Variants in RICTOR observed in about 807,000 individuals in gnomAD.
RICTOR encodes RPTOR independent companion of MTOR complex 2.
In RICTOR, 49 loss-of-function variants were observed where a neutral mutation model predicts 214.9. The observed-to-expected ratio is 0.23, with a 90% CI of 0.18 to 0.29. The LOEUF (loss-of-function observed/expected upper bound fraction) is 0.29. RICTOR is among the 10% of genes least tolerant of loss of function. The pLI is 1.00. For missense variants in RICTOR, 1,625 were observed against 2,047.0 expected (o/e 0.79, Z 3.98); for synonymous variants, 717 against 711.3 (o/e 1.01, Z -0.13).
chr5:39,010,613 C>T (rs765628917), intron 3 of RICTOR, among the ~76,000 whole-genome samples: 1 of 152,152 alleles, frequency 6.6e-6, no homozygotes, highest in Non-Finnish European at 1.5e-5. Context: ...GAAGTCCAGG[C>T]TAAGATGGTC....
chr5:39,039,519 G>A (rs982438021), intron 2 of RICTOR, among the ~76,000 whole-genome samples: 4 of 152,140 alleles, frequency 2.6e-5, no homozygotes, highest in African/African-American at 9.7e-5. Flanking sequence ...TACCATCAGA[G>A]TGAACAGGTA....
chr5:38,968,227 C>T (rs1054701076), intron 11 of RICTOR, among the ~76,000 whole-genome samples, 197 bp from the exon 12 acceptor site: 1 of 152,026 alleles, frequency 6.6e-6, no homozygotes, highest in African/African-American at 2.4e-5. Flanking sequence ...TGAAAAATTC[C>T]TATCGCCTAG....
At position 39,014,823 on chromosome 5, in the gene RICTOR, G is replaced by C. The variant is rs1028058397; in HGVS notation, c.195+6216C>G. Among the ~76,000 whole-genome samples the C allele has an allele frequency of 2.6e-5, 4 of 152,260 alleles. No individual in the cohort carries two copies. In the South Asian group the frequency reaches 8.3e-4, roughly 32 times the overall value. ...CCGTTTCTTTATACCTTAAAAGGAA[G>C]TTTAGTTTTGAAGCTGAAGTTCACC... On this transcript the variant is annotated intron_variant, in intron 3 of 37. Transcript: ENST00000357387.
intron 11 of RICTOR, 128 bp from the exon 12 acceptor site, chr5:38,968,158 T>G: frequency 1.6e-6 from 1 of 626,482 alleles, no homozygotes; most frequent in South Asian, 1.9e-5. Context: ...CACATAACAA[T>G]ATTTTAGTCA....
intron 5 of RICTOR, among the ~76,000 whole-genome samples, chr5:39,001,150 T>C (rs2150102274): frequency 6.6e-6 from 1 of 152,162 alleles, no homozygotes; most frequent in Admixed American, 6.5e-5. Context: ...AAAATAGTCT[T>C]GAAGAAGCAA....
chr5:38,947,820 T>G (rs1748368373), intron 31 of RICTOR, among the ~76,000 whole-genome samples: 1 of 152,140 alleles, frequency 6.6e-6, no homozygotes. Flanking sequence ...TTTATGTAAC[T>G]AAGGATATGT....
At chr5:38,991,709 T>C (rs936774005) in intron 6 of RICTOR, among the ~76,000 whole-genome samples, 1 of 152,156 alleles carries the variant, frequency 6.6e-6, no homozygotes, top group Admixed American at 6.6e-5. Flanking sequence ...TGGAAATATA[T>C]TGTAATAAAA....
At chr5:38,948,070 T>C (rs1748393487) in intron 31 of RICTOR, among the ~76,000 whole-genome samples, 1 of 152,084 alleles carries the variant, frequency 6.6e-6, no homozygotes, top group Non-Finnish European at 1.5e-5. Flanking sequence ...ATAACAAATA[T>C]GATACACTGA....
At position 38,949,972 on chromosome 5, in the gene RICTOR, A is replaced by G; in HGVS notation, c.3876T>C (p.Ser1292=). Residue 1292 remains serine (S), a synonymous_variant, in exon 31 of 38, where the codon TCT becomes TCC. Transcript: ENST00000357387. ...SNSVSLVPPG[S]SHTLPRRAQS... The stretch of plus-strand genomic sequence containing the variant: ...GTGCTCTTCTAGGAAGCGTATGAGA[A>G]GAACCTGGAGGCACCAGGGACACCG... The G allele has an allele frequency of 6.2e-7, 1 of 1,613,614 alleles. No homozygotes were observed. Among genetic ancestry groups the G allele is most frequent in the South Asian group, 1.1e-5 (1 of 91,080 alleles).
At chr5:38,948,639 G>T (rs1748434887) in intron 31 of RICTOR, among the ~76,000 whole-genome samples, 1 of 152,032 alleles carries the variant, frequency 6.6e-6, no homozygotes, top group Non-Finnish European at 1.5e-5. Flanking sequence ...TGAGGCTTAG[G>T]AATGTTCAAA....
intron 29 of RICTOR, 49 bp downstream of exon 29, chr5:38,952,936 G>C: frequency 9.0e-7 from 1 of 1,108,740 alleles, no homozygotes; most frequent in Non-Finnish European, 1.4e-6. Flanking sequence ...ACATCCATTT[G>C]TGAATAACAA....
Position 38,947,415 on chromosome 5 carries a change from G to A in RICTOR, c.4163C>T (p.Ser1388Leu), listed in dbSNP as rs867999181. ...ACTCAATAAATCTTCTTTATCTAAT[G>A]ATGCATAACTTAAGGCTTTCATGAA... ...SRFMKALSYA[S>L]LDKEDLLSPI... The change falls in exon 32 of 38, where the codon TCA becomes TTA. Residue 1388 changes from serine to leucine, a missense_variant. Ser to Leu is a moderately radical substitution (Grantham distance 145). Transcript: ENST00000357387. 1 of 1,610,710 alleles carries A rather than the reference G, an allele frequency of 6.2e-7. No individual in the cohort carries two copies. Among genetic ancestry groups the A allele is most frequent in the South Asian group, 1.1e-5 (1 of 90,972 alleles).
intron 2 of RICTOR, among the ~76,000 whole-genome samples, chr5:39,054,374 T>C (rs111660896): frequency 2.6e-4 from 39 of 152,216 alleles, no homozygotes; most frequent in Admixed American, 9.2e-4. Flanking sequence ...AGGGGAAAGA[T>C]TGACATAAAT....
chr5:38,940,765 T>A lies in RICTOR; in HGVS notation c.*1539A>T, dbSNP rs986665480. ...AACTGGAACTTTCAGTTCCAGTAAATAAATTTTTTAAAAAAGTATCTCTGT... is the reference window on the plus strand; with the variant it reads ...AACTGGAACTTTCAGTTCCAGTAAAAAAATTTTTTAAAAAAGTATCTCTGT... On this transcript the variant is annotated 3_prime_UTR_variant, in exon 38 of 38. Coordinates refer to ENST00000357387, the MANE Select transcript of RICTOR (RefSeq NM_152756.5). The A allele has an allele frequency of 5.6e-5, 13 of 232,068 alleles. No individual in the cohort carries two copies. Among genetic ancestry groups the A allele is most frequent in the Non-Finnish European group, 9.4e-5 (11 of 117,304 alleles). 14.4% of individuals were successfully genotyped at this position (232,068 alleles called of 1,614,324 possible).
chr5:39,062,486 T>C (rs899978867), intron 2 of RICTOR, among the ~76,000 whole-genome samples: 12 of 152,112 alleles, frequency 7.9e-5, no homozygotes, highest in Admixed American at 2.0e-4. Flanking sequence ...AAGTGCATTA[T>C]AGAATTATGA....
chr5:39,006,899 G>T (rs1205788530), intron 3 of RICTOR, among the ~76,000 whole-genome samples: 1 of 152,024 alleles, frequency 6.6e-6, no homozygotes. Flanking sequence ...CTGATATGAC[G>T]AACAAAGAGG....
intron 11 of RICTOR, among the ~76,000 whole-genome samples, chr5:38,968,372 A>C (rs774236177): frequency 1.3e-5 from 2 of 152,152 alleles, no homozygotes; most frequent in Non-Finnish European, 2.9e-5. Context: ...GTAAAATTAC[A>C]TAATACCTGA....
intron 2 of RICTOR, among the ~76,000 whole-genome samples, chr5:39,068,523 T>C (rs1314629319): frequency 6.6e-6 from 1 of 152,236 alleles, no homozygotes; most frequent in African/African-American, 2.4e-5. Flanking sequence ...GTGGACTGTA[T>C]TCTGTGAGCA....
At chr5:38,996,653 T>C (rs1437277210) in intron 6 of RICTOR, among the ~76,000 whole-genome samples, 166 bp downstream of exon 6, 3 of 152,232 alleles carry the variant, frequency 2.0e-5, no homozygotes, top group Non-Finnish European at 4.4e-5. Context: ...AATATTTGTT[T>C]ACCTCAAAGT....
Sources: gnomAD v4.1 joint callset for allele counts (sites outside exome capture counted in the v4.1 genomes callset) on GRCh38, gnomAD v4.1.1 for gene constraint, MANE v1.5 for transcripts, NCBI Gene and HGNC (gene_info 2026-07-23, HGNC 2026-07-21) for gene names.